The following GIGYF2 variants were observed in gnomAD, a reference collection of about 807,000 sequenced individuals.
GIGYF2 encodes the protein GRB10 interacting GYF protein 2.
A neutral mutation model predicts 208.1 loss-of-function variants in GIGYF2; 25 were observed. That is an observed-to-expected ratio of 0.12 (90% CI 0.09 to 0.17). GIGYF2 has a LOEUF of 0.17. Ranked by LOEUF, GIGYF2 falls within the 10% of genes least tolerant of loss-of-function variation. GIGYF2 has a pLI of 1.00. For missense variants in GIGYF2, 1,302 were observed against 1,579.4 expected, an observed-to-expected ratio of 0.82 and a Z score of 2.98; for synonymous variants, 534 against 543.8, an observed-to-expected ratio of 0.98 and a Z score of 0.25.
intron 3 of GIGYF2, among the ~76,000 whole-genome samples, 191 bp from the exon 4 acceptor site, chr2:232,747,424 T>C (rs1276030082): frequency 4.6e-5 from 7 of 152,232 alleles, no homozygotes; most frequent in Non-Finnish European, 7.3e-5. Context: ...TGTCTAGTTA[T>C]CTCTCAATAA....
chr2:232,703,361 G>T (rs984635007), intron 1 of GIGYF2, 63 bp from the exon 2 acceptor site: 5 of 152,560 alleles, frequency 3.3e-5, no homozygotes, highest in Non-Finnish European at 5.9e-5. Context: ...ATGAAAGATT[G>T]TACTTTTAAA....
intron 18 of GIGYF2, among the ~76,000 whole-genome samples, chr2:232,814,226 AT>A (rs1700833746): frequency 6.6e-6 from 1 of 151,790 alleles, no homozygotes. Flanking sequence ...TAACACAAAC[AT>A]TTTTTTCATG....
rs141157069 is a variant in GIGYF2, at chr2:232,737,490, T to G, written c.41+2252T>G. ...GGAATGCAGGTGTAAGTAGGCATAG[T>G]GCCCTATTTGTATCATCTGTCAAAA... is the stretch of plus-strand genomic sequence containing the variant. On this transcript the variant is annotated intron_variant, in intron 3 of 28. Transcript: ENST00000373563. 2.9e-3 allele frequency among the ~76,000 whole-genome samples: 435 copies of G among 152,308 alleles called. 2 individuals are homozygous for G. Among genetic ancestry groups the G allele is most frequent in the African/African-American group, 9.9e-3 (413 of 41,560 alleles).
At chr2:232,833,414 G>C (rs1317698118) in intron 22 of GIGYF2, among the ~76,000 whole-genome samples, 2 of 152,110 alleles carry the variant, frequency 1.3e-5, no homozygotes, top group Middle Eastern at 3.2e-3. Context: ...TAGAGATGGT[G>C]TTTCACCATG....
At chr2:232,835,527 A>G (rs1411665441) in intron 22 of GIGYF2, among the ~76,000 whole-genome samples, 2 of 151,968 alleles carry the variant, frequency 1.3e-5, no homozygotes, top group Admixed American at 6.6e-5. Context: ...TGTTTCTTGC[A>G]TGTATCGTAA....
intron 27 of GIGYF2, among the ~76,000 whole-genome samples, chr2:232,849,719 G>T (rs921012720): frequency 6.6e-6 from 1 of 152,204 alleles, no homozygotes; most frequent in East Asian, 1.9e-4. Flanking sequence ...GGCGTGAAGG[G>T]CTAGTAGGCA....
Position 232,859,843 on chromosome 2 carries a change from G to A in GIGYF2, c.*2983G>A, listed in dbSNP as rs1191459820. Reference sequence around the variant, plus strand: ...TTCAGAGGAGTTGAACTTAAGTGGTGATTGGCTTCCCCCAGAGAACCAGGC... The same window carrying A: ...TTCAGAGGAGTTGAACTTAAGTGGTAATTGGCTTCCCCCAGAGAACCAGGC... On this transcript the variant is annotated 3_prime_UTR_variant, in exon 29 of 29. Coordinates refer to ENST00000373563, the MANE Select transcript of GIGYF2 (RefSeq NM_001103146.3). The A allele has an allele frequency of 6.6e-6, 1 of 152,304 alleles. No homozygotes were observed. Among genetic ancestry groups the A allele is most frequent in the Non-Finnish European group, 1.5e-5 (1 of 68,040 alleles). The allele number at this position is 152,304 out of a possible 1,614,324, so 9.4% of individuals were successfully genotyped here.
At chr2:232,832,764 A>T (rs974610010) in intron 21 of GIGYF2, 93 bp from the exon 22 acceptor site, 4 of 875,116 alleles carry the variant, frequency 4.6e-6, no homozygotes, top group Non-Finnish European at 7.4e-6. Context: ...TGTCATCTCT[A>T]TAGCCATTTG....
At chr2:232,711,381 C>CTT (rs746687577) in intron 2 of GIGYF2, among the ~76,000 whole-genome samples, 24 of 151,214 alleles carry the variant, frequency 1.6e-4, no homozygotes, top group Non-Finnish European at 2.7e-4. Context: ...TCTCTTTACC[C>CTT]TCTTAAAAGT....
At chr2:232,710,109 G>A (rs943472428) in intron 2 of GIGYF2, among the ~76,000 whole-genome samples, 2 of 151,768 alleles carry the variant, frequency 1.3e-5, no homozygotes, top group Non-Finnish European at 2.9e-5. Flanking sequence ...ACAGGCACCC[G>A]CCACCATGCC....
At chr2:232,854,373 G>T (rs368635160) in intron 28 of GIGYF2, among the ~76,000 whole-genome samples, 4 of 152,264 alleles carry the variant, frequency 2.6e-5, no homozygotes, top group African/African-American at 9.6e-5. Flanking sequence ...CCCGCTTATA[G>T]TCCCAGCTAC....
chr2:232,847,683 C>T, intron 27 of GIGYF2, 112 bp downstream of exon 27: 2 of 1,424,840 alleles, frequency 1.4e-6, no homozygotes, highest in Non-Finnish European at 1.9e-6. Flanking sequence ...TATCCAATAA[C>T]CATGCTTTAA....
intron 21 of GIGYF2, among the ~76,000 whole-genome samples, chr2:232,831,275 G>C (rs1488393482): frequency 6.6e-6 from 1 of 152,172 alleles, no homozygotes; most frequent in Non-Finnish European, 1.5e-5. Flanking sequence ...TAAGAATGTA[G>C]AGTTTTGCTT....
intron 27 of GIGYF2, among the ~76,000 whole-genome samples, chr2:232,849,529 A>G (rs2106430972): frequency 6.6e-6 from 1 of 152,284 alleles, no homozygotes; most frequent in South Asian, 2.1e-4. Context: ...CATTTGTGAA[A>G]TGGCTTCTCT....
Position 232,856,797 on chromosome 2 carries a change from T to C in GIGYF2, c.3837T>C (p.Phe1279=). ...TAGCCAGTTTTTTTTCTGCAGGATT[T>C]TCAGTCAATGCATCATCGGAGCGAC... ...MVRADPSLLG[F]SVNASSERLN... Residue 1279 remains phenylalanine (F), a synonymous_variant, in exon 29 of 29, where the codon TTT becomes TTC. Coordinates refer to ENST00000373563, the MANE Select transcript of GIGYF2 (RefSeq NM_001103146.3). 1 of 1,612,382 alleles carries C rather than the reference T, an allele frequency of 6.2e-7. No individual in the cohort carries two copies. Among genetic ancestry groups the C allele is most frequent in the Non-Finnish European group, 8.5e-7 (1 of 1,178,398 alleles).
chr2:232,716,768 A>G (rs796140469), intron 2 of GIGYF2, among the ~76,000 whole-genome samples: 7 of 152,154 alleles, frequency 4.6e-5, no homozygotes, highest in African/African-American at 1.7e-4. Context: ...ATCGGAAGAC[A>G]TTCATTTAAA....
At chr2:232,717,507 T>C (rs1559379605) in intron 2 of GIGYF2, among the ~76,000 whole-genome samples, 1 of 152,208 alleles carries the variant, frequency 6.6e-6, no homozygotes, top group East Asian at 1.9e-4. Context: ...CCTCTTCCCA[T>C]GATGAGTACT....
chr2:232,794,733 AT>A lies in GIGYF2; in HGVS notation c.1283-9del, dbSNP rs757807562. ...CTGTATTTCAAAGGATTTTCATCTG[AT>A]TTTTTCCCCCTAGAAATGGTTGCTG... On this transcript the variant is annotated splice_polypyrimidine_tract_variant and intron_variant, in intron 12 of 28. Transcript: ENST00000373563. The A allele has an allele frequency of 3.4e-5, 55 of 1,605,140 alleles. No individual in the cohort carries two copies. Among genetic ancestry groups the A allele is most frequent in the Non-Finnish European group, 4.3e-5 (50 of 1,172,116 alleles).
At chr2:232,698,801 G>C (rs1405723588) in intron 1 of GIGYF2, among the ~76,000 whole-genome samples, 2 of 152,194 alleles carry the variant, frequency 1.3e-5, no homozygotes, top group Non-Finnish European at 2.9e-5. Context: ...TGATGGTAGT[G>C]CTTCACCAGA....
Sources: allele counts gnomAD v4.1 joint callset (sites outside exome capture counted in the v4.1 genomes callset), GRCh38; gene constraint gnomAD v4.1.1; transcripts MANE v1.5; gene names NCBI Gene and HGNC (gene_info 2026-07-23, HGNC 2026-07-21).